The following PTPRD variants were observed in gnomAD, a reference collection of about 807,000 sequenced individuals.
The protein encoded by PTPRD is receptor-type tyrosine-protein phosphatase delta.
PTPRD carries 34 observed loss-of-function variants against 214.5 expected under a neutral mutation model. That is an observed-to-expected ratio of 0.16 (90% CI 0.12 to 0.21). PTPRD has a LOEUF of 0.21. Among genes scored for constraint, PTPRD ranks in the 10% least tolerant of loss-of-function variants. PTPRD has a pLI of 1.00. For missense variants in PTPRD, 2,545 were observed against 2,398.7 expected (o/e 1.06, Z -1.27); for synonymous variants, 1,128 against 845.7 (o/e 1.33, Z -5.79).
intron 3 of PTPRD, among the ~76,000 whole-genome samples, chr9:10,141,855 T>C (rs1393381282): frequency 2.6e-5 from 4 of 152,122 alleles, no homozygotes; most frequent in Non-Finnish European, 5.9e-5. Context: ...CAAACTATGC[T>C]ACAAGGCTAC....
chr9:9,378,555 T>C (rs987339712), intron 9 of PTPRD, among the ~76,000 whole-genome samples: 2 of 152,300 alleles, frequency 1.3e-5, no homozygotes, highest in East Asian at 1.9e-4. Flanking sequence ...TTGCATCATA[T>C]GGTAAGAGTA....
At chr9:9,378,046 A>T (rs2061263824) in intron 9 of PTPRD, among the ~76,000 whole-genome samples, 1 of 152,020 alleles carries the variant, frequency 6.6e-6, no homozygotes, top group African/African-American at 2.4e-5. Flanking sequence ...AGACTGATAT[A>T]TTTGTTACCG....
chr9:10,255,945 G>C (rs2093232746), intron 3 of PTPRD, among the ~76,000 whole-genome samples: 1 of 152,132 alleles, frequency 6.6e-6, no homozygotes, highest in Non-Finnish European at 1.5e-5. Flanking sequence ...TTAGGAACCA[G>C]GTTGCACAGA....
chr9:9,505,181 C>G (rs1042477414), intron 8 of PTPRD, among the ~76,000 whole-genome samples: 1 of 151,554 alleles, frequency 6.6e-6, no homozygotes, highest in Non-Finnish European at 1.5e-5. Flanking sequence ...TTAATCCTCT[C>G]TTGATCTCTT....
chr9:10,301,053 A>C (rs1284683397), intron 3 of PTPRD, among the ~76,000 whole-genome samples: 1 of 152,122 alleles, frequency 6.6e-6, no homozygotes, highest in African/African-American at 2.4e-5. Context: ...TCTGGGATGA[A>C]GCTTCCAGAG....
rs148300682 is a variant in PTPRD at position 8,460,504 on chromosome 9, G to A, written c.3782C>T (p.Thr1261Met). The change falls in exon 33 of 46, where the codon ACG (threonine) becomes ATG (methionine). Residue 1261 changes from threonine (T) to methionine (M), a missense_variant. Transcript: ENST00000381196. ...CCAGATCAAGCCTTCTTCTTCATCC[G>A]TGATTGGCTGCGGATCCAGATCCAT... ...VSMDLDPQPI[T>M]DEEEGLIWVV... 57 of 1,613,516 alleles carry A rather than the reference G, an allele frequency of 3.5e-5. No individual in the cohort carries two copies. Among genetic ancestry groups the A allele is most frequent in the Middle Eastern group, 3.3e-4 (2 of 6,056 alleles).
chr9:9,187,793 G>A (rs1374951277), intron 9 of PTPRD, among the ~76,000 whole-genome samples: 1 of 150,702 alleles, frequency 6.6e-6, no homozygotes, highest in African/African-American at 2.4e-5. Flanking sequence ...TTTTTTTTGT[G>A]GTGTTGTGTT....
At chr9:8,740,580 C>T (rs745595964) in intron 11 of PTPRD, among the ~76,000 whole-genome samples, 1 of 152,044 alleles carries the variant, frequency 6.6e-6, no homozygotes, top group Non-Finnish European at 1.5e-5. Context: ...TGAAAAACAA[C>T]CACAAACCAA....
chr9:8,632,860 A>G (rs1337548871), intron 14 of PTPRD, among the ~76,000 whole-genome samples: 5 of 152,020 alleles, frequency 3.3e-5, no homozygotes, highest in South Asian at 2.1e-4. Flanking sequence ...TGCATTTCTT[A>G]TACTTGGTTC....
intron 3 of PTPRD, among the ~76,000 whole-genome samples, 180 bp downstream of exon 3, chr9:10,340,783 T>G (rs73644422): frequency 0.013 from 1,961 of 152,012 alleles, 49 homozygotes; most frequent in African/African-American, 0.045. Context: ...TTCTCCAAAG[T>G]GTATAGCAAG....
chr9:10,524,038 G>A (rs1244916996), intron 2 of PTPRD, among the ~76,000 whole-genome samples: 1 of 151,968 alleles, frequency 6.6e-6, no homozygotes, highest in Non-Finnish European at 1.5e-5. Context: ...TCTCTGGCTT[G>A]CAGAAGGTGT....
intron 3 of PTPRD, among the ~76,000 whole-genome samples, chr9:10,271,554 T>TA (rs1564921771): frequency 6.7e-6 from 1 of 148,164 alleles, no homozygotes; most frequent in Admixed American, 6.7e-5. Context: ...CTTTTCTTTT[T>TA]TTTTTTGAGA....
intron 3 of PTPRD, among the ~76,000 whole-genome samples, chr9:10,126,568 A>C (rs1348942491): frequency 6.6e-6 from 1 of 152,060 alleles, no homozygotes; most frequent in African/African-American, 2.4e-5. Context: ...GTTATAACTC[A>C]ATAACTAGTC....
intron 2 of PTPRD, among the ~76,000 whole-genome samples, chr9:10,552,318 T>C (rs2061524577): frequency 6.6e-6 from 1 of 152,168 alleles, no homozygotes; most frequent in South Asian, 2.1e-4. Flanking sequence ...ATTCTCTAAA[T>C]ATGAATGAGC....
At chr9:10,151,549 C>A (rs1248058097) in intron 3 of PTPRD, among the ~76,000 whole-genome samples, 2 of 152,030 alleles carry the variant, frequency 1.3e-5, no homozygotes, top group South Asian at 2.1e-4. Context: ...GAGTGAGCCA[C>A]CGTGCCCAAT....
Position 8,628,349 on chromosome 9 carries a change from C to A in PTPRD, c.352+4968G>T, listed in dbSNP as rs561391401. ...AAAAGTTGTATGTTTTTTTTCCTAACAACTGCCATAATGGCTTACATTTTT... is the reference window on the plus strand; with the variant it reads ...AAAAGTTGTATGTTTTTTTTCCTAAAAACTGCCATAATGGCTTACATTTTT... On this transcript the variant is annotated intron_variant, in intron 14 of 45. Transcript: ENST00000381196. Among the ~76,000 whole-genome samples the A allele has an allele frequency of 2.6e-5, 4 of 151,902 alleles. No individual in the cohort carries two copies. The East Asian group carries it at 7.8e-4, about 30-fold the overall frequency.
chr9:8,464,583 G>T (rs1370890116), intron 32 of PTPRD, among the ~76,000 whole-genome samples: 1 of 151,852 alleles, frequency 6.6e-6, no homozygotes, highest in Non-Finnish European at 1.5e-5. Flanking sequence ...GGAAATGACT[G>T]GCTCAACTGG....
At chr9:9,753,065 G>T (rs1363713165) in intron 6 of PTPRD, among the ~76,000 whole-genome samples, 2 of 152,070 alleles carry the variant, frequency 1.3e-5, no homozygotes, top group African/African-American at 4.8e-5. Context: ...TGCATTGTGA[G>T]AAGAAATGTT....
At chr9:9,640,454 A>G (rs767280822) in intron 7 of PTPRD, among the ~76,000 whole-genome samples, 12 of 152,248 alleles carry the variant, frequency 7.9e-5, no homozygotes, top group South Asian at 2.1e-4. Flanking sequence ...CTGCCCTGCC[A>G]GAAGCCTCTG....
Sources: gnomAD v4.1 joint callset for allele counts (sites outside exome capture counted in the v4.1 genomes callset) on GRCh38, gnomAD v4.1.1 for gene constraint, MANE v1.5 for transcripts, NCBI Gene and HGNC (gene_info 2026-07-23, HGNC 2026-07-21) for gene names.